Variants in FRMPD4 observed in about 807,000 individuals in gnomAD.
FRMPD4 encodes the protein FERM and PDZ domain containing 4, also known as FERM and PDZ domain-containing protein 4.
In FRMPD4, 22 loss-of-function variants were observed where a neutral mutation model predicts 94.1. The ratio of observed to expected loss-of-function variants is 0.23; its 90% CI spans 0.17 to 0.33. The LOEUF (loss-of-function observed/expected upper bound fraction) is 0.33, where lower values mean the gene tolerates loss of function less well. Among genes scored for constraint, FRMPD4 ranks in the 10% least tolerant of loss-of-function variants. The probability of loss-of-function intolerance (pLI) is 1.00; values close to 1 mark genes in which losing one functional copy is unlikely to be tolerated. For synonymous variants in FRMPD4, 631 were observed against 548.6 expected (o/e 1.15, Z -2.10); for missense variants, 1,111 against 1,339.9 (o/e 0.83, Z 2.67).
rs111237394 is a variant in FRMPD4, at chrX:11,826,562, G to A, written c.-161+3847G>A. 9.2e-3 allele frequency among the ~76,000 whole-genome samples: 1,027 copies of A among 111,851 alleles called. 8 individuals carry two copies. Among genetic ancestry groups the A allele is most frequent in the Middle Eastern group, 0.018 (4 of 219 alleles). ...ATAAATAATAAATACCTGTCAAGGG[G>A]AACTACATATTCTCTTTAGTCATTT... On this transcript the variant is annotated intron_variant, in intron 1 of 18. Transcript: ENST00000640291.
chrX:12,040,264 T>C (rs2054745611), intron 3 of FRMPD4, among the ~76,000 whole-genome samples: 1 of 110,022 alleles, frequency 9.1e-6, no homozygotes, highest in Non-Finnish European at 1.9e-5. Flanking sequence ...CCCTGACATA[T>C]TGATCCTTTC....
At chrX:12,471,265 T>C (rs1369960395) in intron 1 of FRMPD4, among the ~76,000 whole-genome samples, 1 of 112,141 alleles carries the variant, frequency 8.9e-6, no homozygotes, top group Non-Finnish European at 1.9e-5. Context: ...CCATTCTCTG[T>C]TAACAAACCA....
intron 1 of FRMPD4, among the ~76,000 whole-genome samples, chrX:12,378,034 T>C (rs2056264318): frequency 8.9e-6 from 1 of 112,294 alleles, no homozygotes; most frequent in Admixed American, 9.4e-5. Context: ...AGATGTTATT[T>C]GCTGGCCTCA....
chrX:11,911,092 G>A (rs1016198192), intron 3 of FRMPD4, among the ~76,000 whole-genome samples: 4 of 112,156 alleles, frequency 3.6e-5, no homozygotes, highest in Admixed American at 9.4e-5. Context: ...TTGCCATCTC[G>A]ATCTCAGCTA....
chrX:12,711,907 G>A lies in FRMPD4; in HGVS notation c.1609+1370G>A, dbSNP rs766613987. Among the ~76,000 whole-genome samples, 21 of 110,561 alleles carry A rather than the reference G, an allele frequency of 1.9e-4. 1 individual carries two copies. Among genetic ancestry groups the A allele is most frequent in the Non-Finnish European group, 3.6e-4 (19 of 52,945 alleles). On this transcript the variant is annotated intron_variant, in intron 14 of 16. Transcript: ENST00000675598. ...GCAATATGTAGACACACTTAAACAC[G>A]CATACAGACTCACACACAGTTTATT...
chrX:11,981,204 A>G (rs1283253557), intron 3 of FRMPD4, among the ~76,000 whole-genome samples: 1 of 112,251 alleles, frequency 8.9e-6, no homozygotes, highest in African/African-American at 3.2e-5. Flanking sequence ...ATTATTGAGT[A>G]TGATATTCTA....
At chrX:11,839,290 A>G (rs974611948) in intron 1 of FRMPD4, among the ~76,000 whole-genome samples, 18 of 111,756 alleles carry the variant, frequency 1.6e-4, no homozygotes, top group Non-Finnish European at 2.5e-4. Flanking sequence ...TACTGTAGCC[A>G]TTCTAGTGTG....
chrX:12,486,946 C>T (rs951614354), intron 1 of FRMPD4, among the ~76,000 whole-genome samples: 5 of 111,637 alleles, frequency 4.5e-5, no homozygotes, highest in African/African-American at 1.6e-4. Flanking sequence ...AACTAAGAAA[C>T]CCTAATATGG....
At chrX:12,449,198 T>C (rs2057236049) in intron 1 of FRMPD4, among the ~76,000 whole-genome samples, 1 of 112,216 alleles carries the variant, frequency 8.9e-6, no homozygotes, top group Non-Finnish European at 1.9e-5. Flanking sequence ...GATAAACAAA[T>C]ACTGGATTTA....
chrX:12,081,336 C>T (rs2055060146), intron 3 of FRMPD4, among the ~76,000 whole-genome samples: 1 of 111,942 alleles, frequency 8.9e-6, no homozygotes, highest in African/African-American at 3.2e-5. Context: ...TGTGGGAGGG[C>T]TGCCAATATA....
intron 3 of FRMPD4, among the ~76,000 whole-genome samples, chrX:11,996,750 A>G (rs890518001): frequency 8.9e-6 from 1 of 111,985 alleles, no homozygotes; most frequent in African/African-American, 3.2e-5. Context: ...TCATTCTGCA[A>G]AGAACTTTGG....
At chrX:12,329,048 T>C (rs1274116985) in intron 1 of FRMPD4, among the ~76,000 whole-genome samples, 2 of 112,430 alleles carry the variant, frequency 1.8e-5, no homozygotes, top group South Asian at 3.7e-4. Flanking sequence ...ACTGAGGAAA[T>C]TGTCCATTTT....
chrX:12,553,466 A>ATATATATATATCTATC (rs368999462), intron 2 of FRMPD4, among the ~76,000 whole-genome samples: 2 of 78,095 alleles, frequency 2.6e-5, no homozygotes, highest in African/African-American at 5.3e-5. Flanking sequence ...ATATATATAT[A>ATATATATATATCTATC]TCTAATCCAC....
intron 1 of FRMPD4, among the ~76,000 whole-genome samples, chrX:12,276,936 A>G (rs1301643492): frequency 5.5e-5 from 6 of 109,298 alleles, no homozygotes; most frequent in African/African-American, 2.0e-4. Context: ...CCCGGCTAAA[A>G]TGGTGAAACC....
intron 1 of FRMPD4, among the ~76,000 whole-genome samples, chrX:12,443,732 T>C (rs188072602): frequency 1.8e-5 from 2 of 112,118 alleles, no homozygotes; most frequent in East Asian, 5.6e-4. Flanking sequence ...AGCTTGTTTG[T>C]ACCTTCTAGC....
At chrX:12,016,812 A>G (rs950001323) in intron 3 of FRMPD4, among the ~76,000 whole-genome samples, 1 of 111,553 alleles carries the variant, frequency 9.0e-6, no homozygotes, top group African/African-American at 3.3e-5. Context: ...GATTTTCCCA[A>G]ATGACGCCAG....
chrX:12,408,817 A>C (rs1012082336), intron 1 of FRMPD4, among the ~76,000 whole-genome samples: 3 of 112,038 alleles, frequency 2.7e-5, no homozygotes, highest in Non-Finnish European at 5.6e-5. Flanking sequence ...GGCAGTTTGC[A>C]AGGGCTGACC....
At chrX:12,338,696 C>T (rs745582606) in intron 1 of FRMPD4, among the ~76,000 whole-genome samples, 50 of 112,694 alleles carry the variant, frequency 4.4e-4, no homozygotes, top group African/African-American at 1.5e-3. Context: ...CCTGGAGGAG[C>T]TTTGGCCAAA....
intron 1 of FRMPD4, among the ~76,000 whole-genome samples, chrX:12,366,315 C>T (rs1454685124): frequency 3.6e-5 from 4 of 111,994 alleles, no homozygotes; most frequent in Non-Finnish European, 7.5e-5. Context: ...AAAGGTGAGG[C>T]TGAATGATGA....
Sources: gnomAD v4.1 joint callset for allele counts (sites outside exome capture counted in the v4.1 genomes callset) on GRCh38, gnomAD v4.1.1 for gene constraint, MANE v1.5 for transcripts, NCBI Gene and HGNC (gene_info 2026-07-23, HGNC 2026-07-21) for gene names.